Variants in MNAT1 observed in about 807,000 individuals in gnomAD.
MNAT1 encodes the protein CDK-activating kinase assembly factor MAT1.
Under a neutral mutation model 42.0 loss-of-function variants are expected in MNAT1, and 43 were observed. The observed-to-expected ratio is 1.02, with a 90% CI of 0.80 to 1.32. The LOEUF (loss-of-function observed/expected upper bound fraction) is 1.32, where lower values mean the gene tolerates loss of function less well. Among genes scored for constraint, MNAT1 ranks in the 40% most tolerant of loss-of-function variants. MNAT1 has a pLI of 0.00. For synonymous variants in MNAT1, 118 were observed against 120.0 expected, an observed-to-expected ratio of 0.98 and a Z score of 0.11; for missense variants, 306 against 350.4, an observed-to-expected ratio of 0.87 and a Z score of 1.01.
At chr14:60,739,824 G>T (rs1896412977) in intron 1 of MNAT1, among the ~76,000 whole-genome samples, 1 of 152,224 alleles carries the variant, frequency 6.6e-6, no homozygotes, top group South Asian at 2.1e-4. Flanking sequence ...GATGGAGGCA[G>T]TGGTATCTAA....
intron 7 of MNAT1, among the ~76,000 whole-genome samples, chr14:60,951,983 C>G (rs578193810): frequency 8.5e-5 from 13 of 152,164 alleles, no homozygotes; most frequent in African/African-American, 2.6e-4. Context: ...CCACCCATGC[C>G]CCAGATGGGT....
At chr14:60,961,454 C>T (rs1288523710) in intron 7 of MNAT1, among the ~76,000 whole-genome samples, 3 of 152,166 alleles carry the variant, frequency 2.0e-5, no homozygotes, top group Non-Finnish European at 4.4e-5. Flanking sequence ...CATATATGTT[C>T]TTCCCTCTCT....
At chr14:60,924,724 C>T (rs1348254774) in intron 7 of MNAT1, among the ~76,000 whole-genome samples, 2 of 152,102 alleles carry the variant, frequency 1.3e-5, no homozygotes, top group African/African-American at 4.8e-5. Context: ...AGGTGTCCAA[C>T]ATTGGGGATG....
At chr14:60,824,484 C>T (rs1303506651) in intron 6 of MNAT1, among the ~76,000 whole-genome samples, 1 of 152,074 alleles carries the variant, frequency 6.6e-6, no homozygotes, top group Non-Finnish European at 1.5e-5. Flanking sequence ...AGTATTAACA[C>T]ATCTTGAAAT....
At chr14:60,910,237 G>T (rs1240682105) in intron 7 of MNAT1, among the ~76,000 whole-genome samples, 1 of 152,112 alleles carries the variant, frequency 6.6e-6, no homozygotes, top group Non-Finnish European at 1.5e-5. Context: ...GAGATGATGG[G>T]GTTTTCTAGA....
intron 6 of MNAT1, among the ~76,000 whole-genome samples, chr14:60,876,554 C>T (rs1368450506): frequency 6.6e-6 from 1 of 152,022 alleles, no homozygotes; most frequent in Non-Finnish European, 1.5e-5. Flanking sequence ...TCAACTCAAC[C>T]TGTACCCATG....
intron 3 of MNAT1, among the ~76,000 whole-genome samples, chr14:60,800,147 A>G (rs1030014071): frequency 6.6e-6 from 1 of 151,492 alleles, no homozygotes; most frequent in African/African-American, 2.4e-5. Context: ...AATTAAATAC[A>G]TATTTAATAT....
intron 1 of MNAT1, among the ~76,000 whole-genome samples, chr14:60,776,545 A>G (rs917073548): frequency 4.6e-5 from 7 of 152,108 alleles, no homozygotes; most frequent in Non-Finnish European, 1.0e-4. Flanking sequence ...ACCAGACCAT[A>G]TAAGCCAGAT....
chr14:60,786,265 AAG>A (rs1402428369), intron 1 of MNAT1, among the ~76,000 whole-genome samples: 1 of 151,656 alleles, frequency 6.6e-6, no homozygotes, highest in African/African-American at 2.4e-5. Flanking sequence ...ATAAGAAGTG[AAG>A]AGAGAGCTAG....
In MNAT1 at chr14:60,884,628, T is replaced by C. The variant is rs1116402; in HGVS notation, c.809+4793T>C. 1.1e-3 allele frequency among the ~76,000 whole-genome samples: 166 copies of C among 152,224 alleles called. No individual in the cohort carries two copies. In the East Asian group the frequency reaches 0.022, roughly 21 times the overall value. On this transcript the variant is annotated intron_variant, in intron 7 of 7. Transcript: ENST00000261245. ...CTTTGTCCCCTTGCTTTTTAACTTT[T>C]TGTTGTTCTATTTATATCTTATTGT...
chr14:60,739,026 A>T (rs111304103), intron 1 of MNAT1, among the ~76,000 whole-genome samples: 148 of 152,226 alleles, frequency 9.7e-4, no homozygotes, highest in African/African-American at 3.5e-3. Flanking sequence ...TGCAGTCTAG[A>T]TTTGACTGGG....
At chr14:60,910,956 G>A (rs1326067555) in intron 7 of MNAT1, among the ~76,000 whole-genome samples, 1 of 152,084 alleles carries the variant, frequency 6.6e-6, no homozygotes, top group Non-Finnish European at 1.5e-5. Context: ...TCTGGTCCTG[G>A]ACTTTTTTTG....
At chr14:60,795,853 C>T (rs936723143) in intron 1 of MNAT1, among the ~76,000 whole-genome samples, 1 of 152,192 alleles carries the variant, frequency 6.6e-6, no homozygotes, top group Non-Finnish European at 1.5e-5. Flanking sequence ...CTGGCAGAGG[C>T]TTCTCTTGCC....
At chr14:60,887,203 GTT>G (rs71114163) in intron 7 of MNAT1, among the ~76,000 whole-genome samples, 15 of 150,958 alleles carry the variant, frequency 9.9e-5, no homozygotes, top group African/African-American at 3.2e-4. Context: ...TATCAGAGCT[GTT>G]TTTTTTTCTT....
At chr14:60,867,338 G>A (rs535922506) in intron 6 of MNAT1, among the ~76,000 whole-genome samples, 1 of 152,012 alleles carries the variant, frequency 6.6e-6, no homozygotes, top group African/African-American at 2.4e-5. Flanking sequence ...GTGAAAATTG[G>A]TAATCTAACT....
intron 7 of MNAT1, among the ~76,000 whole-genome samples, chr14:60,954,216 T>C (rs1198633519): frequency 2.0e-5 from 3 of 152,160 alleles, no homozygotes; most frequent in Non-Finnish European, 4.4e-5. Flanking sequence ...ATTTTAGGAT[T>C]CTTTTCTCTA....
At chr14:60,851,747 T>C (rs1048229271) in intron 6 of MNAT1, among the ~76,000 whole-genome samples, 2 of 152,144 alleles carry the variant, frequency 1.3e-5, no homozygotes, top group Non-Finnish European at 2.9e-5. Context: ...TTCCCCTCCC[T>C]GTGTCCATGT....
chr14:60,938,660 C>A (rs2036065560), intron 7 of MNAT1, among the ~76,000 whole-genome samples: 1 of 152,072 alleles, frequency 6.6e-6, no homozygotes, highest in South Asian at 2.1e-4. Context: ...ATTTTTGTAT[C>A]AATGTTCATC....
intron 6 of MNAT1, among the ~76,000 whole-genome samples, chr14:60,855,419 G>C (rs2033932024): frequency 6.6e-6 from 1 of 152,146 alleles, no homozygotes; most frequent in African/African-American, 2.4e-5. Context: ...GCCCCATTTT[G>C]TGTCTGAAAC....
Sources: allele counts gnomAD v4.1 joint callset (sites outside exome capture counted in the v4.1 genomes callset), GRCh38; gene constraint gnomAD v4.1.1; transcripts MANE v1.5; gene names NCBI Gene and HGNC (gene_info 2026-07-23, HGNC 2026-07-21).